Variants in CFAP161 observed in about 807,000 individuals in gnomAD.
CFAP161 encodes cilia- and flagella-associated protein 161.
A neutral mutation model predicts 29.0 loss-of-function variants in CFAP161; 25 were observed. The ratio of observed to expected loss-of-function variants is 0.86; its 90% CI spans 0.63 to 1.20. The LOEUF is 1.20. CFAP161 is among the 50% of genes most tolerant of loss of function. The pLI is 0.00. For synonymous variants in CFAP161, 116 were observed against 137.4 expected, an observed-to-expected ratio of 0.84 and a Z score of 1.09; for missense variants, 367 against 371.9, an observed-to-expected ratio of 0.99 and a Z score of 0.11.
chr15:81,123,045 A>G (rs1195651501), intron 1 of CFAP161, among the ~76,000 whole-genome samples: 1 of 152,178 alleles, frequency 6.6e-6, no homozygotes, highest in Non-Finnish European at 1.5e-5. Context: ...TAGTGTAATT[A>G]GATCCCATTT....
At chr15:81,147,030 A>C (rs71404763) in intron 5 of CFAP161, among the ~76,000 whole-genome samples, 9,662 of 151,472 alleles carry the variant, frequency 0.064, 350 homozygotes, top group Non-Finnish European at 0.076. Flanking sequence ...GGACAGAACT[A>C]AAAAGTCATC....
intron 1 of CFAP161, among the ~76,000 whole-genome samples, chr15:81,111,566 A>G (rs558458565): frequency 4.0e-4 from 61 of 152,260 alleles, no homozygotes; most frequent in African/African-American, 1.4e-3. Flanking sequence ...TCCCTTGTCA[A>G]TTTCCTCTTC....
At chr15:81,143,018 A>G (rs1205504565) in intron 4 of CFAP161, among the ~76,000 whole-genome samples, 1 of 152,188 alleles carries the variant, frequency 6.6e-6, no homozygotes, top group Non-Finnish European at 1.5e-5. Flanking sequence ...TATTAAATAA[A>G]ATATTAGTCC....
chr15:81,142,837 T>A (rs1314940930), intron 4 of CFAP161, among the ~76,000 whole-genome samples: 2 of 152,276 alleles, frequency 1.3e-5, no homozygotes, highest in East Asian at 3.9e-4. Flanking sequence ...ATGGGGGTTG[T>A]TTCCTGGCAA....
intron 1 of CFAP161, among the ~76,000 whole-genome samples, chr15:81,105,140 C>T (rs1293820006): frequency 8.8e-5 from 1 of 11,350 alleles, no homozygotes; most frequent in Non-Finnish European, 2.3e-4. Flanking sequence ...TCCCCCCTCC[C>T]CTCCCTCCCT....
At chr15:81,117,798 ATCT>A (rs914203687) in intron 1 of CFAP161, 1 of 310,274 alleles carries the variant, frequency 3.2e-6, no homozygotes, top group Non-Finnish European at 6.3e-6. Context: ...CCCCTTCTAC[ATCT>A]TCGTCTTCAT....
At chr15:81,131,136 TAA>T (rs34706078), upstream of CFAP161, among the ~76,000 whole-genome samples, 3,290 of 130,890 alleles carry the variant, frequency 0.025, 81 homozygotes, top group African/African-American at 0.071. Context: ...CTTCAATTTG[TAA>T]AAAAAAAAAA....
rs3086710 is a variant in CFAP161 at position 81,146,831 on chromosome 15, AATATATATATATAT to A, written c.637-988_637-975del. Among the ~76,000 whole-genome samples, 469 of 70,562 alleles carry A rather than the reference AATATATATATATAT, an allele frequency of 6.6e-3. 6 individuals carry two copies. Among genetic ancestry groups the A allele is most frequent in the Non-Finnish European group, 8.6e-3 (240 of 28,024 alleles). The allele number at this position is 70,562 out of a possible 152,430, so 46.3% of individuals were successfully genotyped here. On this transcript the variant is annotated intron_variant, in intron 5 of 6. Transcript: ENST00000286732. The stretch of plus-strand genomic sequence containing the variant: ...TTTGCTCTTAAATAGGATAGCTACA[AATATATATATATAT>A]ATATATATATATATATATATATATA...
At position 81,111,931 on chromosome 15, in the gene CFAP161, A is replaced by G. The variant is rs1056398691; in HGVS notation, c.-141-15659A>G. On this transcript the variant is annotated intron_variant, in intron 1 of 4. Transcript: ENST00000560091. ...AGGAAGTGTTGTATGGATTATTGCC[A>G]TTTTGTAGATTTATAGTGCAGGCCA... is the stretch of plus-strand genomic sequence containing the variant. Among the ~76,000 whole-genome samples, 3 of 152,254 alleles carry G rather than the reference A, an allele frequency of 2.0e-5. No homozygotes were observed. The South Asian group carries it at 6.2e-4, about 31-fold the overall frequency.
chr15:81,143,710 T>G lies in CFAP161; in HGVS notation c.526T>G (p.Ser176Ala). 1 of 1,614,076 alleles carries G rather than the reference T, an allele frequency of 6.2e-7. No homozygotes were observed. Among genetic ancestry groups the G allele is most frequent in the Non-Finnish European group, 8.5e-7 (1 of 1,180,006 alleles). The change falls in exon 5 of 7, where the codon TCT becomes GCT. Residue 176 changes from serine (S) to alanine (A), a missense_variant. Physicochemically the swap from Ser to Ala is moderately conservative, Grantham distance 99 (BLOSUM62 1). Coordinates refer to ENST00000286732, the MANE Select transcript of CFAP161 (RefSeq NM_173528.4). ...HRTLLKSSKR[S>A]WLQEVYLTDE... is the part of the protein sequence containing the mutation. Reference sequence around the variant, plus strand: ...GACCCTCCTGAAATCGTCTAAGAGGTCTTGGCTCCAGGAAGTGTACCTAAC... The same window carrying G: ...GACCCTCCTGAAATCGTCTAAGAGGGCTTGGCTCCAGGAAGTGTACCTAAC...
chr15:81,143,315 C>T (rs1041366467), intron 4 of CFAP161, among the ~76,000 whole-genome samples: 1 of 151,378 alleles, frequency 6.6e-6, no homozygotes, highest in Non-Finnish European at 1.5e-5. Flanking sequence ...TGTCTCAAAA[C>T]AAAACAAAAC....
upstream of CFAP161, among the ~76,000 whole-genome samples, chr15:81,132,663 T>C (rs1200763488): frequency 1.3e-5 from 2 of 152,236 alleles, no homozygotes; most frequent in African/African-American, 4.8e-5. Flanking sequence ...AGCAAAGCTG[T>C]ATCAGTGTAA....
chr15:81,110,346 G>A (rs759149389), intron 1 of CFAP161, among the ~76,000 whole-genome samples: 1 of 152,094 alleles, frequency 6.6e-6, no homozygotes, highest in Non-Finnish European at 1.5e-5. Context: ...ATCAGTTAAA[G>A]GTCTCTATGT....
chr15:81,141,859 A>AT (rs967555197), intron 4 of CFAP161, among the ~76,000 whole-genome samples: 9 of 151,708 alleles, frequency 5.9e-5, no homozygotes, highest in Admixed American at 4.6e-4. Context: ...TAAGTTTTGT[A>AT]TTTTTAGTAG....
chr15:81,116,244 A>C (rs1894496013), intron 1 of CFAP161, among the ~76,000 whole-genome samples: 2 of 152,192 alleles, frequency 1.3e-5, no homozygotes, highest in Non-Finnish European at 2.9e-5. Context: ...TAAGGGAGGT[A>C]AAAGTCTCAT....
chr15:81,103,463 T>A (rs1894326315), intron 1 of CFAP161, among the ~76,000 whole-genome samples: 1 of 151,924 alleles, frequency 6.6e-6, no homozygotes, highest in South Asian at 2.1e-4. Context: ...CTTATGAACC[T>A]TCCATAAAAA....
intron 1 of CFAP161, among the ~76,000 whole-genome samples, chr15:81,114,172 G>T (rs992729881): frequency 2.6e-5 from 4 of 152,142 alleles, no homozygotes; most frequent in African/African-American, 9.7e-5. Flanking sequence ...GATAACGTGG[G>T]TTTGTTTCCA....
In CFAP161 at chr15:81,143,649, C is replaced by T. The variant is rs752259830; in HGVS notation, c.478-13C>T. 7.5e-6 allele frequency: 12 copies of T among 1,605,164 alleles called. No individual in the cohort carries two copies. In the South Asian group the frequency reaches 1.3e-4, roughly 18 times the overall value. On this transcript the variant is annotated splice_polypyrimidine_tract_variant and intron_variant, in intron 4 of 6. Coordinates refer to ENST00000286732, the MANE Select transcript of CFAP161 (RefSeq NM_173528.4). ...AGCTCTGACTTAGTGCATCTGCTTG[C>T]TGTCATTTTCAGTTGTATTTGTCAA...
intron 2 of CFAP161, among the ~76,000 whole-genome samples, chr15:81,135,692 G>T (rs1020756942): frequency 6.6e-6 from 1 of 152,106 alleles, no homozygotes; most frequent in African/African-American, 2.4e-5. Flanking sequence ...CAAAGGACAT[G>T]AACTCATCAT....
Sources: allele counts gnomAD v4.1 joint callset (sites outside exome capture counted in the v4.1 genomes callset), GRCh38; gene constraint gnomAD v4.1.1; transcripts MANE v1.5; gene names NCBI Gene and HGNC (gene_info 2026-07-23, HGNC 2026-07-21).